CALN1: variants seen among roughly 807,000 people sequenced by gnomAD.
CALN1 encodes calneuron 1.
A neutral mutation model predicts 30.6 loss-of-function variants in CALN1; 17 were observed. The observed-to-expected ratio is 0.56, with a 90% CI of 0.38 to 0.83. CALN1 has a LOEUF of 0.83. Among genes scored for constraint, CALN1 ranks in the 40% least tolerant of loss-of-function variants. The pLI is 0.00. For missense variants in CALN1, 291 were observed against 354.9 expected (o/e 0.82, Z 1.45); for synonymous variants, 156 against 131.4 (o/e 1.19, Z -1.28).
At chr7:71,887,142 T>C (rs1792959120) in intron 5 of CALN1, among the ~76,000 whole-genome samples, 1 of 151,656 alleles carries the variant, frequency 6.6e-6, no homozygotes, top group Admixed American at 6.6e-5. Context: ...GCGGTAGGGG[T>C]GGGGGTGTCA....
At chr7:71,817,122 C>A (rs1256029779) in intron 5 of CALN1, among the ~76,000 whole-genome samples, 1 of 152,146 alleles carries the variant, frequency 6.6e-6, no homozygotes, top group African/African-American at 2.4e-5. Context: ...TGAAAAAAAT[C>A]ACTGTAAAAC....
chr7:71,929,555 G>A (rs1460757038), intron 5 of CALN1, among the ~76,000 whole-genome samples: 1 of 152,182 alleles, frequency 6.6e-6, no homozygotes, highest in Admixed American at 6.5e-5. Context: ...CATGTAGGTT[G>A]ATTCCACGTC....
upstream of CALN1, among the ~76,000 whole-genome samples, chr7:72,413,141 G>A (rs1230025833): frequency 6.6e-6 from 1 of 151,978 alleles, no homozygotes; most frequent in East Asian, 1.9e-4. Context: ...TTACACGTAT[G>A]CTCACTTACA....
chr7:72,174,182 ACAG>A (rs1266222559), intron 3 of CALN1, among the ~76,000 whole-genome samples: 1 of 152,214 alleles, frequency 6.6e-6, no homozygotes, highest in African/African-American at 2.4e-5. Context: ...AATAGAAACA[ACAG>A]TTATATACCA....
chr7:71,999,726 T>A (rs1799432527), intron 5 of CALN1, among the ~76,000 whole-genome samples: 1 of 152,070 alleles, frequency 6.6e-6, no homozygotes, highest in African/African-American at 2.4e-5. Flanking sequence ...TCGGCCAGGC[T>A]GGTCGCAAAC....
At chr7:72,432,423 C>G (rs528754293) in intron 1 of CALN1, among the ~76,000 whole-genome samples, 3 of 152,152 alleles carry the variant, frequency 2.0e-5, no homozygotes, top group African/African-American at 7.2e-5. Context: ...GCAATATTCT[C>G]TCTGCCTCCG....
chr7:71,951,976 A>C (rs1796715792), intron 5 of CALN1, among the ~76,000 whole-genome samples: 1 of 151,912 alleles, frequency 6.6e-6, no homozygotes, highest in South Asian at 2.1e-4. Flanking sequence ...AGACCCAACC[A>C]ATCCATCACT....
chr7:72,405,092 G>A (rs892268055), intron 1 of CALN1, among the ~76,000 whole-genome samples: 13 of 152,154 alleles, frequency 8.5e-5, no homozygotes, highest in Admixed American at 7.2e-4. Context: ...ATGGAGTTAA[G>A]CCCTCCATCC....
chr7:72,017,411 G>A (rs1056577460), intron 5 of CALN1, among the ~76,000 whole-genome samples: 6 of 152,270 alleles, frequency 3.9e-5, no homozygotes, highest in African/African-American at 9.6e-5. Flanking sequence ...GCAAGTCAGC[G>A]TGGCAAACAG....
the CALN1 span, among the ~76,000 whole-genome samples, chr7:72,456,935 G>A: frequency 6.6e-6 from 1 of 151,958 alleles, no homozygotes; most frequent in Non-Finnish European, 1.5e-5. Flanking sequence ...TAGGTAATGA[G>A]GGAAACTTGA....
intron 1 of CALN1, among the ~76,000 whole-genome samples, chr7:72,433,542 G>A (rs1352703751): frequency 6.6e-6 from 1 of 152,024 alleles, no homozygotes; most frequent in African/African-American, 2.4e-5. Flanking sequence ...CTCCTAAGTA[G>A]AAATCCATGG....
At chr7:72,276,843 T>C (rs1797366120) in intron 3 of CALN1, among the ~76,000 whole-genome samples, 1 of 152,222 alleles carries the variant, frequency 6.6e-6, no homozygotes. Context: ...GAAGGTACTA[T>C]GTTGTTATAG....
At chr7:72,133,383 G>A (rs758433318) in intron 3 of CALN1, among the ~76,000 whole-genome samples, 8 of 152,094 alleles carry the variant, frequency 5.3e-5, no homozygotes, top group Non-Finnish European at 8.8e-5. Flanking sequence ...GAATAAAATA[G>A]GAATTAAAGA....
At chr7:72,104,978 T>C (rs975485415) in intron 4 of CALN1, among the ~76,000 whole-genome samples, 8 of 143,254 alleles carry the variant, frequency 5.6e-5, no homozygotes, top group African/African-American at 2.1e-4. Context: ...ATAAATAAAA[T>C]ACAATTAAAA....
In CALN1 at chr7:72,397,965, G is replaced by A. The variant is rs1806090263; in HGVS notation, c.119+5286C>T. Among the ~76,000 whole-genome samples, 4 of 152,240 alleles carry A rather than the reference G, an allele frequency of 2.6e-5. No individual in the cohort carries two copies. In the South Asian group the frequency reaches 8.3e-4, roughly 32 times the overall value. On this transcript the variant is annotated intron_variant, in intron 2 of 6. Coordinates refer to ENST00000395275, the MANE Select transcript of CALN1 (RefSeq NM_031468.4). The stretch of plus-strand genomic sequence containing the variant: ...CACTCTCCCCTAAGACACAGCTCCT[G>A]GATGATGCATCCTTTTAGGGCCGAT...
chr7:72,451,723 A>T (rs934421248), upstream of CALN1, among the ~76,000 whole-genome samples: 1 of 152,224 alleles, frequency 6.6e-6, no homozygotes, highest in Non-Finnish European at 1.5e-5. Flanking sequence ...TCAAGGACAA[A>T]TGAGAAGCTC....
chr7:72,067,069 G>A (rs1183447090), intron 4 of CALN1, among the ~76,000 whole-genome samples: 4 of 151,666 alleles, frequency 2.6e-5, no homozygotes, highest in Admixed American at 2.6e-4. Context: ...GATTACAGGT[G>A]TGAGCCACCA....
In CALN1 at chr7:72,267,269, G is replaced by A. The variant is rs986764666; in HGVS notation, c.244+11417C>T. On this transcript the variant is annotated intron_variant, in intron 3 of 6. Transcript: ENST00000395275. ...CGGGGGACCTTCATTACAAGAAAAC[G>A]TAGGATGGACCACATGGGTGGCAGG... Among the ~76,000 whole-genome samples the A allele has an allele frequency of 5.9e-5, 9 of 152,260 alleles. No homozygotes were observed. The East Asian group carries it at 1.4e-3, about 23-fold the overall frequency.
At chr7:72,250,084 T>TTTAC (rs1795452291) in intron 3 of CALN1, among the ~76,000 whole-genome samples, 1 of 152,132 alleles carries the variant, frequency 6.6e-6, no homozygotes, top group African/African-American at 2.4e-5. Flanking sequence ...ATTCCAAATC[T>TTTAC]TTACTATCCT....
Sources: allele counts gnomAD v4.1 joint callset (sites outside exome capture counted in the v4.1 genomes callset), GRCh38; gene constraint gnomAD v4.1.1; transcripts MANE v1.5; gene names NCBI Gene and HGNC (gene_info 2026-07-23, HGNC 2026-07-21).